SGCE: variants seen among roughly 807,000 people sequenced by gnomAD.
SGCE encodes epsilon-sarcoglycan.
SGCE carries 26 observed loss-of-function variants against 57.8 expected under a neutral mutation model. That is an observed-to-expected ratio of 0.45 (90% CI 0.33 to 0.62). The LOEUF (loss-of-function observed/expected upper bound fraction) is 0.62. Among genes scored for constraint, SGCE ranks in the 20% least tolerant of loss-of-function variants. The probability of loss-of-function intolerance (pLI) is 0.02; values close to 1 mark genes in which losing one functional copy is unlikely to be tolerated. For synonymous variants in SGCE, 183 were observed against 189.5 expected (o/e 0.97, Z 0.28); for missense variants, 468 against 548.6 (o/e 0.85, Z 1.47).
chr7:94,639,359 C>T (rs565647846), intron 1 of SGCE: 2 of 1,532,642 alleles, frequency 1.3e-6, no homozygotes, highest in African/African-American at 2.7e-5. Flanking sequence ...ATCCCAGCAG[C>T]CATTTTTCTG....
At position 94,600,674 on chromosome 7, in the gene SGCE, A is replaced by G. The variant is rs749985422; in HGVS notation, c.1009T>C (p.Tyr337His). 1 of 1,613,746 alleles carries G rather than the reference A, an allele frequency of 6.2e-7. No homozygotes were observed. The highest frequency in any genetic ancestry group is 8.5e-7 in the Non-Finnish European group (1 of 1,179,750). The change falls in exon 7 of 11, where the codon TAT becomes CAT. Residue 337 changes from tyrosine (Y) to histidine (H), a missense_variant. Transcript: ENST00000648936. Reference sequence around the variant, plus strand: ...CCTTCCCGTCGGCAGCACATGATATAAGCAAGTATTAGAAAAAGGACCAGT... The same window carrying G: ...CCTTCCCGTCGGCAGCACATGATATGAGCAAGTATTAGAAAAAGGACCAGT... Reference protein sequence around the residue: ...VALVLFLILAYIMCCRREGVE... With the variant: ...VALVLFLILAHIMCCRREGVE...
intron 5 of SGCE, among the ~76,000 whole-genome samples, chr7:94,610,261 TATG>T (rs1016241384): frequency 2.0e-5 from 3 of 152,174 alleles, no homozygotes; most frequent in African/African-American, 7.2e-5. Flanking sequence ...AACTACTCTG[TATG>T]ATACTATAAT....
chr7:94,655,618 G>GC (rs1034874793), intron 1 of SGCE, among the ~76,000 whole-genome samples: 22 of 152,226 alleles, frequency 1.4e-4, no homozygotes, highest in East Asian at 3.9e-4. Flanking sequence ...GGGGAAACGG[G>GC]CCCCCCAGAA....
At position 94,641,787 on chromosome 7, in the gene SGCE, G is replaced by GATT. The variant is rs201862524; in HGVS notation, c.110-11949_110-11947dup. On this transcript the variant is annotated intron_variant, in intron 1 of 10. Transcript: ENST00000648936. Reference sequence around the variant, plus strand: ...AGAAAAGAATACAATTCAAAACCCAGATTATTATTATTATTAGTAGTAGTA... The same window carrying GATT: ...AGAAAAGAATACAATTCAAAACCCAGATTATTATTATTATTATTAGTAGTAGTA... Among the ~76,000 whole-genome samples the GATT allele has an allele frequency of 1.3e-3, 196 of 152,140 alleles. 2 individuals carry two copies. The highest frequency in any genetic ancestry group is 2.7e-3 in the South Asian group (13 of 4,828).
At chr7:94,609,113 A>G (rs942196140) in intron 5 of SGCE, among the ~76,000 whole-genome samples, 1 of 152,258 alleles carries the variant, frequency 6.6e-6, no homozygotes, top group Non-Finnish European at 1.5e-5. Context: ...AGACACTGCC[A>G]GTAGTACAAA....
Position 94,629,865 on chromosome 7 carries a change from G to A in SGCE, c.110-24C>T, listed in dbSNP as rs373323918. On this transcript the variant is annotated intron_variant, in intron 1 of 10. Coordinates refer to ENST00000648936, the MANE Select transcript of SGCE (RefSeq NM_003919.3). ...CACTGAAAACAAAGAGGAAAGATAA[G>A]TGACAGAAAGACAAATAATGAGATA... is the stretch of plus-strand genomic sequence containing the variant. 144 of 1,609,170 alleles carry A rather than the reference G, an allele frequency of 8.9e-5. No individual in the cohort carries two copies. The African/African-American group carries it at 1.5e-3, about 17-fold the overall frequency.
chr7:94,628,419 T>C (rs1352574470), intron 2 of SGCE, 60 bp from the exon 3 acceptor site: 11 of 1,414,702 alleles, frequency 7.8e-6, no homozygotes, highest in African/African-American at 7.0e-5. Flanking sequence ...GTTGCTTTGG[T>C]AGTTTCAATC....
chr7:94,638,265 G>A (rs1054944583), intron 1 of SGCE, among the ~76,000 whole-genome samples: 1 of 152,172 alleles, frequency 6.6e-6, no homozygotes, highest in Non-Finnish European at 1.5e-5. Context: ...GAAATACACA[G>A]GTATTTGTAG....
intron 7 of SGCE, 45 bp from the exon 8 acceptor site, chr7:94,599,768 T>C (rs761853082): frequency 7.6e-7 from 1 of 1,314,048 alleles, no homozygotes; most frequent in Non-Finnish European, 1.1e-6. Context: ...AGCATTGATA[T>C]TTGGAACATT....
In SGCE at chr7:94,603,301, T is replaced by C; in HGVS notation, c.814A>G (p.Lys272Glu). 1 of 1,612,214 alleles carries C rather than the reference T, an allele frequency of 6.2e-7. No homozygotes were observed. Among genetic ancestry groups the C allele is most frequent in the Non-Finnish European group, 8.5e-7 (1 of 1,178,740 alleles). ...FRTQFYIDWC[K>E]ISLVDKTKQV... ...AAATAAAAACTTACCAATGAAATTTTGCACCAGTCAATGTAAAATTGAGTA... is the reference window on the plus strand; with the variant it reads ...AAATAAAAACTTACCAATGAAATTTCGCACCAGTCAATGTAAAATTGAGTA... Residue 272 changes from lysine to glutamate, a missense_variant, in exon 6 of 11, where the codon AAA becomes GAA. Lys to Glu is a moderately conservative substitution (Grantham distance 56, BLOSUM62 1). Transcript: ENST00000648936.
At position 94,598,814 on chromosome 7, in the gene SGCE, T is replaced by C. The variant is rs1584521458; in HGVS notation, c.1214A>G (p.Asn405Ser). The C allele has an allele frequency of 6.2e-7, 1 of 1,613,548 alleles. No homozygotes were observed. Among genetic ancestry groups the C allele is most frequent in the Non-Finnish European group, 8.5e-7 (1 of 1,179,498 alleles). The change falls in exon 9 of 11, where the codon AAC (asparagine) becomes AGC (serine). Residue 405 changes from asparagine to serine, a missense_variant. By Grantham distance (46) the Asn-to-Ser change is conservative. Transcript: ENST00000648936. The stretch of plus-strand genomic sequence containing the variant: ...CAATGGCATGTTTGTGCTATCATAG[T>C]TGTCTGTGTGTAAAGGAGGTATGAT... ...GEIIPPLHTD[N>S]YDSTNMPLMQ...
intron 5 of SGCE, among the ~76,000 whole-genome samples, chr7:94,614,387 G>A (rs971308564): frequency 1.3e-5 from 2 of 152,076 alleles, no homozygotes; most frequent in African/African-American, 4.8e-5. Context: ...AAAAATTTTA[G>A]TATCAACCAT....
intron 1 of SGCE, chr7:94,639,464 C>T (rs950390384): frequency 2.1e-6 from 3 of 1,414,712 alleles, no homozygotes; most frequent in African/African-American, 2.8e-5. Flanking sequence ...CAGAATAAAA[C>T]AAATGTACAA....
At chr7:94,629,649 G>A (rs985182218) in intron 2 of SGCE, 70 bp downstream of exon 2, 5 of 1,305,822 alleles carry the variant, frequency 3.8e-6, no homozygotes, top group African/African-American at 2.9e-5. Flanking sequence ...TATCATATAT[G>A]TCTATATTAT....
chr7:94,643,431 C>G (rs943475959), intron 1 of SGCE, among the ~76,000 whole-genome samples: 2 of 152,190 alleles, frequency 1.3e-5, no homozygotes, highest in African/African-American at 4.8e-5. Context: ...AAACACAACA[C>G]ACAGATATTG....
At chr7:94,630,377 C>T (rs879167104) in intron 1 of SGCE, among the ~76,000 whole-genome samples, 1 of 151,638 alleles carries the variant, frequency 6.6e-6, no homozygotes, top group Non-Finnish European at 1.5e-5. Context: ...TATAAAAATG[C>T]ATTGGATACT....
chr7:94,589,745 TC>T, intron 9 of SGCE: 1 of 180,490 alleles, frequency 5.5e-6, no homozygotes, highest in Non-Finnish European at 1.1e-5. Flanking sequence ...TCTGTCACTG[TC>T]CCCCATCACC....
Position 94,629,384 on chromosome 7 carries a change from C to T in SGCE, c.232+335G>A, listed in dbSNP as rs577472147. The T allele has an allele frequency of 7.2e-5, 17 of 236,850 alleles. No individual in the cohort carries two copies. In the South Asian group the frequency reaches 9.3e-4, roughly 13 times the overall value. 14.7% of individuals were successfully genotyped at this position (236,850 alleles called of 1,614,324 possible). A position where few individuals can be genotyped will look rare whatever the true frequency, so the allele number is the denominator to read the frequency against. On this transcript the variant is annotated intron_variant, in intron 2 of 10. Coordinates refer to ENST00000648936, the MANE Select transcript of SGCE (RefSeq NM_003919.3). ...AACATATGTATAGTTTTCCAAAAATCAATGTACTATGTGAGAATCTAGGTC... is the reference window on the plus strand; with the variant it reads ...AACATATGTATAGTTTTCCAAAAATTAATGTACTATGTGAGAATCTAGGTC...
rs1311260039 is a variant in SGCE at position 94,585,388 on chromosome 7, A to G, written c.*111T>C. On this transcript the variant is annotated 3_prime_UTR_variant, in exon 11 of 11. Transcript: ENST00000648936. ...TTGGTATACACTTAATACTGCCAAC[A>G]TGCATAACATATGCCAGAAAAGCTC... The G allele has an allele frequency of 1.1e-6, 1 of 930,926 alleles. No individual in the cohort carries two copies. Among genetic ancestry groups the G allele is most frequent in the Non-Finnish European group, 1.8e-6 (1 of 560,692 alleles). The allele number at this position is 930,926 out of a possible 1,614,324, so 57.7% of individuals were successfully genotyped here. A position where few individuals can be genotyped will look rare whatever the true frequency, so the allele number is the denominator to read the frequency against.
Sources: allele counts gnomAD v4.1 joint callset (sites outside exome capture counted in the v4.1 genomes callset), GRCh38; gene constraint gnomAD v4.1.1; transcripts MANE v1.5; gene names NCBI Gene and HGNC (gene_info 2026-07-23, HGNC 2026-07-21).